The following ZNF385D variants were observed in gnomAD, a reference collection of about 807,000 sequenced individuals.
The protein encoded by ZNF385D is zinc finger protein 385D.
ZNF385D carries 15 observed loss-of-function variants against 35.8 expected under a neutral mutation model. The ratio of observed to expected loss-of-function variants is 0.42; its 90% confidence interval spans 0.28 to 0.64. ZNF385D has a LOEUF of 0.64. Among genes scored for constraint, ZNF385D ranks in the 30% least tolerant of loss-of-function variants. ZNF385D has a pLI of 0.23. For synonymous variants in ZNF385D, 212 were observed against 186.8 expected, an observed-to-expected ratio of 1.13 and a Z score of -1.10; for missense variants, 474 against 494.6, an observed-to-expected ratio of 0.96 and a Z score of 0.39.
chr3:21,490,427 T>C (rs1213340057), intron 4 of ZNF385D, among the ~76,000 whole-genome samples: 2 of 152,194 alleles, frequency 1.3e-5, no homozygotes, highest in African/African-American at 4.8e-5. Context: ...GTGCTCTTCT[T>C]ACAATACAAT....
intron 3 of ZNF385D, among the ~76,000 whole-genome samples, chr3:21,520,684 G>T (rs1241432645): frequency 6.6e-6 from 1 of 152,070 alleles, no homozygotes; most frequent in East Asian, 1.9e-4. Flanking sequence ...AGATTGTTTT[G>T]CTTTTTAAAC....
At chr3:21,564,164 C>CA (rs975885056) in intron 3 of ZNF385D, among the ~76,000 whole-genome samples, 7 of 151,688 alleles carry the variant, frequency 4.6e-5, no homozygotes, top group African/African-American at 1.5e-4. Context: ...CCATTCCAGG[C>CA]AAAAAAAGTT....
intron 2 of ZNF385D, among the ~76,000 whole-genome samples, chr3:22,189,493 G>C (rs1695872669): frequency 6.6e-6 from 1 of 152,170 alleles, no homozygotes; most frequent in African/African-American, 2.4e-5. Context: ...CCTCTGTTTA[G>C]AGACACAAGT....
chr3:21,825,966 TC>T (rs1268320784), intron 3 of ZNF385D, among the ~76,000 whole-genome samples: 4 of 152,136 alleles, frequency 2.6e-5, no homozygotes, highest in African/African-American at 9.7e-5. Flanking sequence ...ATGCGAGGGA[TC>T]TAGGTTGGGG....
intron 3 of ZNF385D, among the ~76,000 whole-genome samples, chr3:22,030,514 G>A (rs1697934603): frequency 6.6e-6 from 1 of 150,954 alleles, no homozygotes; most frequent in South Asian, 2.1e-4. Flanking sequence ...AGTGCACAGA[G>A]GAAACTGTCA....
intron 3 of ZNF385D, among the ~76,000 whole-genome samples, chr3:21,842,530 C>T (rs1315595735): frequency 1.3e-5 from 2 of 151,956 alleles, no homozygotes; most frequent in African/African-American, 4.8e-5. Context: ...CTCTCTAGGG[C>T]CATCACAGAT....
At chr3:22,307,635 G>C (rs755312788) in intron 2 of ZNF385D, among the ~76,000 whole-genome samples, 1 of 151,886 alleles carries the variant, frequency 6.6e-6, no homozygotes, top group African/African-American at 2.4e-5. Context: ...TCATAGATTA[G>C]GAATATGCCT....
chr3:22,111,125 C>A (rs960391204), intron 3 of ZNF385D, among the ~76,000 whole-genome samples: 1 of 138,960 alleles, frequency 7.2e-6, no homozygotes, highest in African/African-American at 2.6e-5. Context: ...TACAGTAAAG[C>A]AGTAACATAT....
At chr3:21,634,962 T>G (rs2065385921) in intron 2 of ZNF385D, among the ~76,000 whole-genome samples, 1 of 152,114 alleles carries the variant, frequency 6.6e-6, no homozygotes, top group African/African-American at 2.4e-5. Flanking sequence ...GTGTCATAAT[T>G]TTAATAGGAA....
At chr3:21,943,345 G>A (rs974258671) in intron 3 of ZNF385D, among the ~76,000 whole-genome samples, 5 of 151,330 alleles carry the variant, frequency 3.3e-5, no homozygotes, top group African/African-American at 9.7e-5. Context: ...TATAGCGAGT[G>A]AGAAAGAATA....
intron 2 of ZNF385D, among the ~76,000 whole-genome samples, chr3:21,644,613 TA>T (rs1175296565): frequency 3.3e-5 from 5 of 152,182 alleles, no homozygotes; most frequent in Admixed American, 1.3e-4. Context: ...AATGTTGAAG[TA>T]AATGATGCCA....
intron 2 of ZNF385D, among the ~76,000 whole-genome samples, chr3:22,282,103 C>A (rs913304659): frequency 6.6e-6 from 1 of 151,968 alleles, no homozygotes; most frequent in Non-Finnish European, 1.5e-5. Flanking sequence ...TATCCCGTTT[C>A]ATTTCTTATT....
At chr3:21,825,116 A>T (rs1694514773) in intron 3 of ZNF385D, among the ~76,000 whole-genome samples, 1 of 152,204 alleles carries the variant, frequency 6.6e-6, no homozygotes. Context: ...ATTATTTCTA[A>T]TGTTAAATAT....
At chr3:21,744,713 A>G (rs1236421495) in intron 1 of ZNF385D, among the ~76,000 whole-genome samples, 1 of 152,146 alleles carries the variant, frequency 6.6e-6, no homozygotes, top group Non-Finnish European at 1.5e-5. Flanking sequence ...TTAATATTCT[A>G]TAGAGTTAAC....
intron 1 of ZNF385D, among the ~76,000 whole-genome samples, chr3:21,738,632 TTAA>T (rs2069361819): frequency 6.6e-6 from 1 of 152,232 alleles, no homozygotes; most frequent in African/African-American, 2.4e-5. Context: ...TGTTTGAGTA[TTAA>T]TAAGAGCCAA....
chr3:22,056,993 G>A (rs1699435655), intron 3 of ZNF385D, among the ~76,000 whole-genome samples: 2 of 152,222 alleles, frequency 1.3e-5, no homozygotes, highest in African/African-American at 2.4e-5. Flanking sequence ...AAGGGAAGAG[G>A]TTGGAATATA....
chr3:22,136,160 G>A (rs1374790411), intron 3 of ZNF385D, among the ~76,000 whole-genome samples: 1 of 152,214 alleles, frequency 6.6e-6, no homozygotes, highest in Non-Finnish European at 1.5e-5. Context: ...AAGGCGGATG[G>A]ATCGCCTGAG....
intron 4 of ZNF385D, among the ~76,000 whole-genome samples, chr3:21,481,855 A>C (rs1277154294): frequency 6.6e-6 from 1 of 152,130 alleles, no homozygotes; most frequent in Admixed American, 6.6e-5. Context: ...GGATAAATAG[A>C]TCTAGTTCTA....
At chr3:21,854,263 T>G (rs1164232025) in intron 3 of ZNF385D, among the ~76,000 whole-genome samples, 1 of 151,966 alleles carries the variant, frequency 6.6e-6, no homozygotes, top group Admixed American at 6.6e-5. Flanking sequence ...CAATATTTGC[T>G]TTTTAACCAT....
Sources: allele counts gnomAD v4.1 joint callset (sites outside exome capture counted in the v4.1 genomes callset), GRCh38; gene constraint gnomAD v4.1.1; transcripts MANE v1.5; gene names NCBI Gene and HGNC (gene_info 2026-07-23, HGNC 2026-07-21).